The following PEX1 variants were observed in gnomAD, a reference collection of about 807,000 sequenced individuals.
PEX1 encodes the protein peroxisomal biogenesis factor 1.
A neutral mutation model predicts 152.5 loss-of-function variants in PEX1; 97 were observed. That is an observed-to-expected ratio of 0.64 (90% confidence interval 0.54 to 0.75). The LOEUF is 0.75. Among genes scored for constraint, PEX1 ranks in the 30% least tolerant of loss-of-function variants. The pLI, the probability that PEX1 is intolerant of heterozygous loss-of-function variation, is 0.00. For missense variants in PEX1, 1,357 were observed against 1,516.3 expected, an observed-to-expected ratio of 0.89 and a Z score of 1.74; for synonymous variants, 485 against 531.6, an observed-to-expected ratio of 0.91 and a Z score of 1.21.
chr7:92,512,775 C>T (rs1792538259), intron 6 of PEX1, among the ~76,000 whole-genome samples: 2 of 152,176 alleles, frequency 1.3e-5, no homozygotes, highest in South Asian at 4.1e-4. Flanking sequence ...CAGGCGTGAG[C>T]TACCACGCCT....
rs1260085410 is a variant in PEX1, at chr7:92,504,910, C to T, written c.1901-8G>A. ...TGTTTTCAAGCCTTTTTCCTTAATACAGAAGATATGAAATGGTTTCAGTAT... is the reference window on the plus strand; with the variant it reads ...TGTTTTCAAGCCTTTTTCCTTAATATAGAAGATATGAAATGGTTTCAGTAT... On this transcript the variant is annotated splice_region_variant and splice_polypyrimidine_tract_variant and intron_variant, in intron 11 of 23. Transcript: ENST00000248633. 1.2e-6 allele frequency: 2 copies of T among 1,607,138 alleles called. No individual in the cohort carries two copies. Among genetic ancestry groups the T allele is most frequent in the East Asian group, 2.2e-5 (1 of 44,846 alleles).
In PEX1 at chr7:92,523,611, G is replaced by A. The variant is rs570962806; in HGVS notation, c.130-1366C>T. Among the ~76,000 whole-genome samples, 813 of 151,920 alleles carry A rather than the reference G, an allele frequency of 5.4e-3. 4 individuals are homozygous for A. Among genetic ancestry groups the A allele is most frequent in the Middle Eastern group, 0.01 (3 of 292 alleles). ...CGGGATTACAGGCATGAGCCACCAT[G>A]CCCAGCCACATATATCATTTTTAAA... On this transcript the variant is annotated intron_variant, in intron 1 of 23. Transcript: ENST00000248633.
rs972923 is a variant in PEX1, at chr7:92,489,970, G to C, written c.3439-59C>G. 2,627 of 1,262,890 alleles carry C rather than the reference G, an allele frequency of 2.1e-3. 13 individuals carry two copies. Among genetic ancestry groups the C allele is most frequent in the Middle Eastern group, 2.2e-3 (11 of 5,090 alleles). The allele number at this position is 1,262,890 out of a possible 1,614,324, so 78.2% of individuals were successfully genotyped here. A position where few individuals can be genotyped will look rare whatever the true frequency, so the allele number is the denominator to read the frequency against. ...GGAAGAGGGGGAGAGAAAAAACTAT[G>C]TGTTTACCAAATATAAAAATTAAAC... On this transcript the variant is annotated intron_variant, in intron 21 of 23. Transcript: ENST00000248633.
At chr7:92,489,224 A>C (rs2116038101) in intron 23 of PEX1, 69 bp downstream of exon 23, 1 of 1,319,164 alleles carries the variant, frequency 7.6e-7, no homozygotes, top group South Asian at 1.2e-5. Context: ...ACGAACTTTA[A>C]AGGTTTAAGT....
rs111449139 is a variant in PEX1, at chr7:92,507,276, T to A, written c.1671-150A>T. 6.9e-4 allele frequency: 448 copies of A among 650,522 alleles called. 1 individual carries two copies. The African/African-American group carries it at 7.5e-3, about 11-fold the overall frequency. The allele number at this position is 650,522 out of a possible 1,614,324, so 40.3% of individuals were successfully genotyped here. A position where few individuals can be genotyped will look rare whatever the true frequency, so the allele number is the denominator to read the frequency against. On this transcript the variant is annotated intron_variant, in intron 9 of 23. Transcript: ENST00000248633. ...TTTTTTGAGAAAGGGGCTTGCTGTG[T>A]CATCCAGGCTGGAGCGCAGTGGTGT...
rs1298492061 is a variant in PEX1, at chr7:92,513,976, TA to T, written c.1240-10del. 3 of 1,523,482 alleles carry T rather than the reference TA, an allele frequency of 2.0e-6. No individual in the cohort carries two copies. The highest frequency in any genetic ancestry group is 2.7e-5 in the African/African-American group (2 of 73,012). 94.4% of individuals were successfully genotyped at this position (1,523,482 alleles called of 1,614,324 possible). On this transcript the variant is annotated splice_polypyrimidine_tract_variant and intron_variant, in intron 5 of 23. Coordinates refer to ENST00000248633, the MANE Select transcript of PEX1 (RefSeq NM_000466.3). ...CTCAGGTCATCTGGAATCTGAAATTTAAAAATAAACAAAAATATAAATATAT... is the reference window on the plus strand; with the variant it reads ...CTCAGGTCATCTGGAATCTGAAATTTAAAATAAACAAAAATATAAATATAT...
At position 92,491,378 on chromosome 7, in the gene PEX1, A is replaced by G. The variant is rs1184964526; in HGVS notation, c.3332T>C (p.Leu1111Ser). ...ECGLDQSLVS[L>S]EMSEILPDES... ...ATCTGGAAGGATCTCGGACATCTCT[A>G]AAGAAACAAGGGACTGATCTAAGCC... is the stretch of plus-strand genomic sequence containing the variant. Residue 1111 changes from leucine to serine, a missense_variant, in exon 21 of 24, where the codon TTA (leucine) becomes TCA (serine). Transcript: ENST00000248633. 2 of 1,613,754 alleles carry G rather than the reference A, an allele frequency of 1.2e-6. No individual in the cohort carries two copies. The highest frequency in any genetic ancestry group is 1.1e-5 in the South Asian group (1 of 91,070).
chr7:92,520,661 A>C (rs1355757849), intron 2 of PEX1, among the ~76,000 whole-genome samples: 1 of 152,242 alleles, frequency 6.6e-6, no homozygotes, highest in East Asian at 1.9e-4. Flanking sequence ...TGGCCTAGCC[A>C]GTCCACTTTC....
intron 3 of PEX1, 50 bp downstream of exon 3, chr7:92,518,945 G>A (rs1562867888): frequency 8.3e-7 from 1 of 1,208,278 alleles, no homozygotes; most frequent in Middle Eastern, 1.9e-4. Context: ...CATTGATATT[G>A]TGAAGTAATT....
At chr7:92,489,188 A>G (rs1286718492) in intron 23 of PEX1, 105 bp downstream of exon 23, 15 of 1,046,284 alleles carry the variant, frequency 1.4e-5, no homozygotes, top group Non-Finnish European at 2.2e-5. Flanking sequence ...TAGCTTTTAA[A>G]TATTCAAAAT....
At chr7:92,500,367 C>G (rs1458772540) in intron 15 of PEX1, among the ~76,000 whole-genome samples, 2 of 152,186 alleles carry the variant, frequency 1.3e-5, no homozygotes, top group Non-Finnish European at 2.9e-5. Context: ...TCTGCAATAT[C>G]CTGGTCTCCT....
At chr7:92,494,000 T>C (rs191133323) in intron 19 of PEX1, 82 of 345,772 alleles carry the variant, frequency 2.4e-4, no homozygotes, top group Non-Finnish European at 4.0e-4. Context: ...TGGAAGTATG[T>C]AATCTTTGAA....
chr7:92,524,440 T>C (rs1012995268), intron 1 of PEX1, among the ~76,000 whole-genome samples: 1 of 151,858 alleles, frequency 6.6e-6, no homozygotes, highest in Non-Finnish European at 1.5e-5. Context: ...CTAATTTTTG[T>C]ATTTTTAGTA....
intron 20 of PEX1, among the ~76,000 whole-genome samples, chr7:92,492,629 T>C (rs1562845650): frequency 1.3e-5 from 2 of 152,240 alleles, no homozygotes; most frequent in South Asian, 2.1e-4. Context: ...AAAGTTAAAG[T>C]ACAAACAAAC....
At chr7:92,517,112 C>A (rs1487814345) in intron 5 of PEX1, among the ~76,000 whole-genome samples, 164 bp downstream of exon 5, 2 of 152,230 alleles carry the variant, frequency 1.3e-5, no homozygotes, top group Non-Finnish European at 2.9e-5. Context: ...TTTATCCAAA[C>A]AAGGACTTTA....
chr7:92,504,168 T>G (rs761070973), intron 12 of PEX1, among the ~76,000 whole-genome samples: 1 of 152,040 alleles, frequency 6.6e-6, no homozygotes, highest in Non-Finnish European at 1.5e-5. Context: ...TATATGCTCC[T>G]ACACTACTCT....
At chr7:92,494,272 C>T (rs376294088) in intron 19 of PEX1, 21 bp downstream of exon 19, 1 of 1,564,662 alleles carries the variant, frequency 6.4e-7, no homozygotes, top group South Asian at 1.1e-5. Context: ...GGGTTTTGGA[C>T]TCTAAATATG....
intron 15 of PEX1, among the ~76,000 whole-genome samples, chr7:92,501,110 A>G (rs564488338): frequency 6.6e-6 from 1 of 152,330 alleles, no homozygotes; most frequent in African/African-American, 2.4e-5. Context: ...AGACTGCATC[A>G]TACACATTAA....
rs112904813 is a variant in PEX1 at position 92,514,246 on chromosome 7, C to T, written c.1240-279G>A. ...TCACCTTCATGACCTAATCACTTCC[C>T]AAAGACCACACCTCCTAATACGATC... On this transcript the variant is annotated intron_variant, in intron 5 of 23. Transcript: ENST00000248633. Among the ~76,000 whole-genome samples, 6,144 of 152,190 alleles carry T rather than the reference C, an allele frequency of 0.04. 154 individuals are homozygous for T. Among genetic ancestry groups the T allele is most frequent in the African/African-American group, 0.053 (2,186 of 41,504 alleles).
Sources: allele counts gnomAD v4.1 joint callset (sites outside exome capture counted in the v4.1 genomes callset), GRCh38; gene constraint gnomAD v4.1.1; transcripts MANE v1.5; gene names NCBI Gene and HGNC (gene_info 2026-07-23, HGNC 2026-07-21).